AGO3: variants seen among roughly 807,000 people sequenced by gnomAD.
AGO3 encodes the protein protein argonaute-3.
In AGO3, 16 loss-of-function variants were observed where a neutral mutation model predicts 105.5. That is an observed-to-expected ratio of 0.15 (90% CI 0.10 to 0.23). AGO3 has a LOEUF of 0.23. AGO3 is among the 10% of genes least tolerant of loss of function. The probability of loss-of-function intolerance (pLI) is 1.00; values close to 1 mark genes in which losing one functional copy is unlikely to be tolerated. For synonymous variants in AGO3, 340 were observed against 367.3 expected, an observed-to-expected ratio of 0.93 and a Z score of 0.85; for missense variants, 534 against 1,088.0, an observed-to-expected ratio of 0.49 and a Z score of 7.16.
chr1:35,963,923 C>G (rs926922819), intron 2 of AGO3, among the ~76,000 whole-genome samples: 2 of 152,016 alleles, frequency 1.3e-5, no homozygotes, highest in Non-Finnish European at 2.9e-5. Context: ...ACATGTAACT[C>G]TGACAAGATG....
At position 36,065,073 on chromosome 1, in the gene AGO3, A is replaced by T. The variant is rs529865845; in HGVS notation, c.*9328A>T. On this transcript the variant is annotated 3_prime_UTR_variant, in exon 19 of 19. Transcript: ENST00000373191. Reference sequence around the variant, plus strand: ...TCCCAGCTACTGGGAAGGCCGAGGCAGGAGAATGGCTTGAACCCAGGAGGC... The same window carrying T: ...TCCCAGCTACTGGGAAGGCCGAGGCTGGAGAATGGCTTGAACCCAGGAGGC... The T allele has an allele frequency of 6.6e-6, 1 of 152,128 alleles. No individual in the cohort carries two copies. The highest frequency in any genetic ancestry group is 1.5e-5 in the Non-Finnish European group (1 of 68,122). 9.4% of individuals were successfully genotyped at this position (152,128 alleles called of 1,614,324 possible).
At chr1:35,988,631 A>T (rs1032882807) in intron 5 of AGO3, among the ~76,000 whole-genome samples, 40 of 152,126 alleles carry the variant, frequency 2.6e-4, no homozygotes, top group Admixed American at 1.8e-3. Context: ...AAGGCTAAAT[A>T]ATATTCCATT....
chr1:36,016,745 G>A (rs1207430486), intron 11 of AGO3, among the ~76,000 whole-genome samples: 2 of 152,182 alleles, frequency 1.3e-5, no homozygotes, highest in East Asian at 3.8e-4. Context: ...GGTAAGAGTA[G>A]AGGGGACCTC....
chr1:35,974,476 CCT>C (rs773028936), intron 5 of AGO3, among the ~76,000 whole-genome samples: 176 of 152,198 alleles, frequency 1.2e-3, no homozygotes, highest in Non-Finnish European at 2.2e-3. Flanking sequence ...TCCTCTATCC[CCT>C]GTTTTTTCTG....
intron 5 of AGO3, chr1:35,982,527 T>A (rs1408531690): frequency 4.8e-6 from 3 of 626,028 alleles, no homozygotes; most frequent in Non-Finnish European, 8.7e-6. Flanking sequence ...TAAAAACAAA[T>A]CAATGAAATA....
At chr1:35,957,435 C>T (rs1288986773) in intron 2 of AGO3, among the ~76,000 whole-genome samples, 1 of 151,868 alleles carries the variant, frequency 6.6e-6, no homozygotes, top group African/African-American at 2.4e-5. Context: ...TAGTGAAATG[C>T]TCTGTATGAG....
Position 35,948,598 on chromosome 1 carries a change from G to A in AGO3, c.191+2735G>A, listed in dbSNP as rs115166439. 8.2e-3 allele frequency among the ~76,000 whole-genome samples: 1,252 copies of A among 152,116 alleles called. 16 individuals carry two copies. The highest frequency in any genetic ancestry group is 0.028 in the African/African-American group (1,175 of 41,506). On this transcript the variant is annotated intron_variant, in intron 2 of 18. Coordinates refer to ENST00000373191, the MANE Select transcript of AGO3 (RefSeq NM_024852.4). ...ACATTTTTGTTTTATTTTTTGGTAG[G>A]GTGTGGGTAAAGGAAAATTTGTGTA...
rs374091064 is a variant in AGO3, at chr1:36,069,027, C to T, written c.*13282C>T. The T allele has an allele frequency of 5.3e-5, 8 of 152,318 alleles. No homozygotes were observed. In the East Asian group the frequency reaches 1.3e-3, roughly 26 times the overall value. The allele number at this position is 152,318 out of a possible 1,614,324, so 9.4% of individuals were successfully genotyped here. A position where few individuals can be genotyped will look rare whatever the true frequency, so the allele number is the denominator to read the frequency against. ...ATTTGCTCCGTGTCCTTAGGCAATT[C>T]GTTTAATCTCTGTGTGCCTAGTTTC... On this transcript the variant is annotated 3_prime_UTR_variant, in exon 19 of 19. Transcript: ENST00000373191.
intron 3 of AGO3, among the ~76,000 whole-genome samples, chr1:35,971,529 A>T (rs1253860728): frequency 6.6e-6 from 1 of 151,802 alleles, no homozygotes; most frequent in Non-Finnish European, 1.5e-5. Flanking sequence ...ACCAAAACAT[A>T]TACTCAGAAT....
intron 2 of AGO3, among the ~76,000 whole-genome samples, chr1:35,962,081 C>T (rs1426191948): frequency 6.6e-6 from 1 of 152,050 alleles, no homozygotes; most frequent in Non-Finnish European, 1.5e-5. Flanking sequence ...TTAGAGGTTT[C>T]TTAACCAACA....
At chr1:35,951,200 C>T (rs1646464851) in intron 2 of AGO3, among the ~76,000 whole-genome samples, 1 of 152,166 alleles carries the variant, frequency 6.6e-6, no homozygotes, top group Non-Finnish European at 1.5e-5. Flanking sequence ...ATCCACCCAC[C>T]TCGGCTTCCC....
At chr1:35,991,249 C>T (rs1048112260) in intron 5 of AGO3, among the ~76,000 whole-genome samples, 4 of 151,978 alleles carry the variant, frequency 2.6e-5, no homozygotes, top group African/African-American at 4.8e-5. Flanking sequence ...GAGCCAAGAT[C>T]GCGCCACTGC....
chr1:35,973,713 T>G (rs1391987818), intron 5 of AGO3: 3 of 429,262 alleles, frequency 7.0e-6, no homozygotes, highest in Non-Finnish European at 1.1e-5. Context: ...CTGCTAAACA[T>G]GAAGCAAGCA....
intron 5 of AGO3, among the ~76,000 whole-genome samples, chr1:35,986,211 A>G (rs1025334186): frequency 2.0e-5 from 3 of 152,250 alleles, no homozygotes; most frequent in Admixed American, 6.5e-5. Context: ...CTTAAAACCC[A>G]TAAAGAGATA....
At chr1:36,009,306 A>G (rs1640480886) in intron 8 of AGO3, 169 bp from the exon 9 acceptor site, 1 of 847,752 alleles carries the variant, frequency 1.2e-6, no homozygotes, top group Non-Finnish European at 1.8e-6. Context: ...ACTTAATTAT[A>G]CTTAATTACT....
chr1:35,963,782 G>A (rs1646721431), intron 2 of AGO3, among the ~76,000 whole-genome samples: 3 of 152,182 alleles, frequency 2.0e-5, no homozygotes, highest in Admixed American at 2.0e-4. Context: ...TAAAGGACTA[G>A]TATAAGAAAT....
intron 11 of AGO3, among the ~76,000 whole-genome samples, chr1:36,024,804 T>C (rs1328044777): frequency 3.3e-5 from 5 of 152,118 alleles, no homozygotes; most frequent in African/African-American, 1.2e-4. Context: ...CAGTATGACA[T>C]TTCATATCTT....
chr1:36,026,422 A>G (rs1641508057), intron 11 of AGO3, among the ~76,000 whole-genome samples: 1 of 152,042 alleles, frequency 6.6e-6, no homozygotes, highest in South Asian at 2.1e-4. Flanking sequence ...CTGTTTTTAA[A>G]TTTTGTTTTT....
In AGO3 at chr1:36,057,388, G is replaced by A. The variant is rs1023318638; in HGVS notation, c.*1643G>A. 1 of 151,756 alleles carries A rather than the reference G, an allele frequency of 6.6e-6. No individual in the cohort carries two copies. Among genetic ancestry groups the A allele is most frequent in the Non-Finnish European group, 1.5e-5 (1 of 67,962 alleles). 9.4% of individuals were successfully genotyped at this position (151,756 alleles called of 1,614,324 possible). A position where few individuals can be genotyped will look rare whatever the true frequency, so the allele number is the denominator to read the frequency against. On this transcript the variant is annotated 3_prime_UTR_variant, in exon 19 of 19. Coordinates refer to ENST00000373191, the MANE Select transcript of AGO3 (RefSeq NM_024852.4). ...TATATAAACACATATGTATGTGTTT[G>A]GAAGTATAGCTTCCTTTTCTTTTAT...
Sources: gnomAD v4.1 joint callset for allele counts (sites outside exome capture counted in the v4.1 genomes callset) on GRCh38, gnomAD v4.1.1 for gene constraint, MANE v1.5 for transcripts, NCBI Gene and HGNC (gene_info 2026-07-23, HGNC 2026-07-21) for gene names.